The following PROCR variants were observed in gnomAD, a reference collection of about 807,000 sequenced individuals.
The protein encoded by PROCR is protein C receptor.
A neutral mutation model predicts 24.2 loss-of-function variants in PROCR; 22 were observed. That is an observed-to-expected ratio of 0.91 (90% confidence interval 0.65 to 1.30). The LOEUF (loss-of-function observed/expected upper bound fraction) is 1.30. PROCR is among the 50% of genes most tolerant of loss of function. The pLI, the probability that PROCR is intolerant of heterozygous loss-of-function variation, is 0.00. For missense variants in PROCR, 288 were observed against 307.7 expected (o/e 0.94, Z 0.48); for synonymous variants, 137 against 139.2 (o/e 0.98, Z 0.11).
At chr20:35,215,992 G>C (rs2060380903) in exon 2 of PROCR, 9 of 474,140 alleles carry the variant, frequency 1.9e-5, no homozygotes, top group Non-Finnish European at 2.5e-5. Flanking sequence ...GAGGTTGGGA[G>C]TTCGAGACCA....
At chr20:35,206,950 C>A (rs756267803) in intron 1 of PROCR, among the ~76,000 whole-genome samples, 3 of 152,158 alleles carry the variant, frequency 2.0e-5, no homozygotes, top group Non-Finnish European at 2.9e-5. Flanking sequence ...TATTCCTCAA[C>A]TGGGAAGTGG....
At chr20:35,183,265 G>A (rs1391161105) in intron 1 of PROCR, among the ~76,000 whole-genome samples, 1 of 152,144 alleles carries the variant, frequency 6.6e-6, no homozygotes, top group Non-Finnish European at 1.5e-5. Context: ...ATAATGGGAG[G>A]TGTTTGGGTC....
At chr20:35,206,501 T>G (rs1431405882) in intron 1 of PROCR, among the ~76,000 whole-genome samples, 2 of 133,124 alleles carry the variant, frequency 1.5e-5, no homozygotes, top group Non-Finnish European at 3.2e-5. Flanking sequence ...AAAAAAACTC[T>G]CAAAACTCAG....
At chr20:35,210,921 C>T (rs1600757391) in intron 1 of PROCR, among the ~76,000 whole-genome samples, 1 of 152,096 alleles carries the variant, frequency 6.6e-6, no homozygotes, top group East Asian at 1.9e-4. Context: ...CCATGTTGGC[C>T]AGGCTGGTCT....
At chr20:35,175,096 C>T (rs1286652075) in intron 2 of PROCR, 143 bp downstream of exon 2, 2 of 1,012,040 alleles carry the variant, frequency 2.0e-6, no homozygotes, top group Non-Finnish European at 2.8e-6. Context: ...GCGCCTGGGC[C>T]TTTGAAGATT....
At chr20:35,186,711 G>A (rs2086130510) in intron 1 of PROCR, among the ~76,000 whole-genome samples, 1 of 138,636 alleles carries the variant, frequency 7.2e-6, no homozygotes. Context: ...CAATTTGGGA[G>A]GCCAAGGCAG....
intron 1 of PROCR, among the ~76,000 whole-genome samples, chr20:35,184,673 C>T (rs141157554): frequency 0.032 from 4,921 of 152,188 alleles, 113 homozygotes; most frequent in Non-Finnish European, 0.052. Context: ...GCACTCCAGC[C>T]TGGGTGACAG....
intron 1 of PROCR, among the ~76,000 whole-genome samples, chr20:35,201,175 A>T (rs2060316778): frequency 6.6e-6 from 1 of 152,046 alleles, no homozygotes; most frequent in Admixed American, 6.6e-5. Flanking sequence ...AGCTAAAAAA[A>T]AAAAACCACA....
At chr20:35,173,423 C>CTTTTTTTTTTTTTTTTT (rs58785250) in intron 1 of PROCR, among the ~76,000 whole-genome samples, 83 of 88,134 alleles carry the variant, frequency 9.4e-4, no homozygotes, top group Non-Finnish European at 1.5e-3. Flanking sequence ...TTTCTTTTTT[C>CTTTTTTTTTTTTTTTTT]TTTTTTTTTT....
chr20:35,176,422 CAT>C lies in PROCR; in HGVS notation c.580_581del (p.Ile194PhefsTer57), dbSNP rs765913368. ...EDTCVQYVQK[H>X]ISAENTKGSQ... ...CACCTGTGTGCAGTATGTGCAGAAA[CAT>C]ATTTCCGCGGAAAACACGAAAGGTA... On this transcript the variant is annotated frameshift_variant, in exon 3 of 4. Transcript: ENST00000216968. LOFTEE classifies it high-confidence loss of function. 18 of 1,613,948 alleles carry C rather than the reference CAT, an allele frequency of 1.1e-5. No homozygotes were observed. The South Asian group carries it at 2.0e-4, about 18-fold the overall frequency.
At chr20:35,188,522 A>C (rs1290966970) in intron 1 of PROCR, among the ~76,000 whole-genome samples, 1 of 152,222 alleles carries the variant, frequency 6.6e-6, no homozygotes, top group Non-Finnish European at 1.5e-5. Context: ...CTGATACCCA[A>C]CATAGTGCCT....
At chr20:35,175,818 T>G (rs1204522449) in intron 2 of PROCR, among the ~76,000 whole-genome samples, 3 of 151,678 alleles carry the variant, frequency 2.0e-5, no homozygotes, top group Non-Finnish European at 4.4e-5. Context: ...ACTCCTGACC[T>G]CAGGCGATCC....
At position 35,172,182 on chromosome 20, in the gene PROCR, C is replaced by G; in HGVS notation, c.28C>G (p.Leu10Val). ...GTTGACAACATTGCTGCCGATACTG[C>G]TGCTGTCTGGCTGGGCCTTTTGTAG... MLTTLLPILLLSGWAFCSQD... is the reference protein window; with the variant it reads MLTTLLPILVLSGWAFCSQD... Residue 10 changes from leucine to valine, a missense_variant, in exon 1 of 4, where the codon CTG (leucine) becomes GTG (valine). Coordinates refer to ENST00000216968, the MANE Select transcript of PROCR (RefSeq NM_006404.5). 1 of 1,614,200 alleles carries G rather than the reference C, an allele frequency of 6.2e-7. No individual in the cohort carries two copies. The highest frequency in any genetic ancestry group is 8.5e-7 in the Non-Finnish European group (1 of 1,180,046).
upstream of PROCR, among the ~76,000 whole-genome samples, chr20:35,171,585 G>A (rs574042301): frequency 2.0e-5 from 3 of 152,152 alleles, no homozygotes; most frequent in East Asian, 3.9e-4. Flanking sequence ...CCAAGATCCC[G>A]GATTATGTAA....
At chr20:35,210,993 G>A (rs371616428) in intron 1 of PROCR, among the ~76,000 whole-genome samples, 4 of 152,266 alleles carry the variant, frequency 2.6e-5, no homozygotes, top group East Asian at 1.9e-4. Flanking sequence ...GATTACAGGC[G>A]TGAGCCACCA....
At chr20:35,202,184 T>A (rs1016872092) in intron 1 of PROCR, 14 of 152,194 alleles carry the variant, frequency 9.2e-5, no homozygotes, top group African/African-American at 3.4e-4. Context: ...TAACAATTTT[T>A]AATAAAACCA....
At chr20:35,207,153 A>G (rs887712688) in intron 1 of PROCR, among the ~76,000 whole-genome samples, 8 of 152,218 alleles carry the variant, frequency 5.3e-5, no homozygotes, top group African/African-American at 9.6e-5. Context: ...CTATAGGAAT[A>G]GAGAACATAT....
At chr20:35,175,128 G>A (rs1280410782) in intron 2 of PROCR, among the ~76,000 whole-genome samples, 175 bp downstream of exon 2, 1 of 151,936 alleles carries the variant, frequency 6.6e-6, no homozygotes, top group Non-Finnish European at 1.5e-5. Context: ...GCTGGAGAGA[G>A]GCAGTTGTCC....
At chr20:35,190,301 GA>G (rs779555817) in intron 1 of PROCR, among the ~76,000 whole-genome samples, 1 of 152,116 alleles carries the variant, frequency 6.6e-6, no homozygotes, top group Non-Finnish European at 1.5e-5. Context: ...GCAATGCAGG[GA>G]TATTGTACTG....
Sources: gnomAD v4.1 joint callset for allele counts (sites outside exome capture counted in the v4.1 genomes callset) on GRCh38, gnomAD v4.1.1 for gene constraint, MANE v1.5 for transcripts, NCBI Gene and HGNC (gene_info 2026-07-23, HGNC 2026-07-21) for gene names.